The following RNMT variants were observed in gnomAD, a reference collection of about 807,000 sequenced individuals.
The protein encoded by RNMT is mRNA cap guanine-N(7) methyltransferase.
In RNMT, 27 loss-of-function variants were observed where a neutral mutation model predicts 56.0. That is an observed-to-expected ratio of 0.48 (90% confidence interval 0.36 to 0.67). RNMT has a LOEUF of 0.67. RNMT is among the 30% of genes least tolerant of loss of function. The pLI, the probability that RNMT is intolerant of heterozygous loss-of-function variation, is 0.00. For missense variants in RNMT, 519 were observed against 552.1 expected, an observed-to-expected ratio of 0.94 and a Z score of 0.60; for synonymous variants, 184 against 176.2, an observed-to-expected ratio of 1.04 and a Z score of -0.35.
chr18:13,742,258 C>T lies in RNMT; in HGVS notation c.975-230C>T, dbSNP rs148277289. Among the ~76,000 whole-genome samples the T allele has an allele frequency of 5.8e-3, 883 of 151,846 alleles. 7 individuals are homozygous for T. Among genetic ancestry groups the T allele is most frequent in the African/African-American group, 0.02 (810 of 41,398 alleles). On this transcript the variant is annotated intron_variant, in intron 7 of 11. Coordinates refer to ENST00000383314, the MANE Select transcript of RNMT (RefSeq NM_003799.3). ...GCTGAGGCAGGAGGATCACTTGAGC[C>T]CAGGAGTTGGTGGCTGTAGTGAGCT...
intron 4 of RNMT, among the ~76,000 whole-genome samples, chr18:13,735,149 T>A (rs2044137979): frequency 6.6e-6 from 1 of 152,198 alleles, no homozygotes; most frequent in African/African-American, 2.4e-5. Context: ...TTTAGTGCAT[T>A]AAGTAGACTC....
rs2044601592 is a variant in RNMT, at chr18:13,760,134, G to A, written c.*155G>A. On this transcript the variant is annotated 3_prime_UTR_variant, in exon 12 of 12. Coordinates refer to ENST00000383314, the MANE Select transcript of RNMT (RefSeq NM_003799.3). ...CCAATGTAGAAATTCAACATTTGCTGTCTGTGACAGATGAACTTTTGCATG... is the reference window on the plus strand; with the variant it reads ...CCAATGTAGAAATTCAACATTTGCTATCTGTGACAGATGAACTTTTGCATG... 3.7e-6 allele frequency: 5 copies of A among 1,360,566 alleles called. No individual in the cohort carries two copies. Among genetic ancestry groups the A allele is most frequent in the Non-Finnish European group, 3.8e-6 (4 of 1,055,718 alleles). The allele number at this position is 1,360,566 out of a possible 1,614,324, so 84.3% of individuals were successfully genotyped here. A position where few individuals can be genotyped will look rare whatever the true frequency, so the allele number is the denominator to read the frequency against.
Position 13,761,018 on chromosome 18 carries a change from G to A in RNMT, c.*1039G>A, listed in dbSNP as rs928690207. ...AACTTACCAGTTTTTAGATGTAGAT[G>A]TAGTGAAAAACTTCAAGAATGAAGC... On this transcript the variant is annotated 3_prime_UTR_variant, in exon 12 of 12. Coordinates refer to ENST00000383314, the MANE Select transcript of RNMT (RefSeq NM_003799.3). The A allele has an allele frequency of 2.3e-5, 23 of 985,158 alleles. No individual in the cohort carries two copies. In the African/African-American group the frequency reaches 4.0e-4, roughly 17 times the overall value. 61.0% of individuals were successfully genotyped at this position (985,158 alleles called of 1,614,324 possible). A position where few individuals can be genotyped will look rare whatever the true frequency, so the allele number is the denominator to read the frequency against.
intron 3 of RNMT, among the ~76,000 whole-genome samples, chr18:13,732,383 G>GT (rs890199769): frequency 2.8e-4 from 42 of 152,154 alleles, no homozygotes; most frequent in African/African-American, 9.6e-4. Flanking sequence ...TTCAGCTCTA[G>GT]TTTTTTTGTC....
chr18:13,736,193 C>G (rs1022472195), intron 4 of RNMT, among the ~76,000 whole-genome samples: 1 of 152,078 alleles, frequency 6.6e-6, no homozygotes, highest in Non-Finnish European at 1.5e-5. Context: ...ACTTTAAGTT[C>G]CTGCAGAAGG....
intron 5 of RNMT, among the ~76,000 whole-genome samples, chr18:13,737,524 C>T (rs139598486): frequency 2.0e-5 from 3 of 151,388 alleles, no homozygotes; most frequent in African/African-American, 7.3e-5. Context: ...GCCTGAGTGA[C>T]AGAGCAAGAC....
rs901489429 is a variant in RNMT at position 13,761,557 on chromosome 18, C to T, written c.*1578C>T. 3.8e-5 allele frequency: 38 copies of T among 992,628 alleles called. No individual in the cohort carries two copies. The Admixed American group carries it at 1.6e-3, about 41-fold the overall frequency. 61.5% of individuals were successfully genotyped at this position (992,628 alleles called of 1,614,324 possible). A position where few individuals can be genotyped will look rare whatever the true frequency, so the allele number is the denominator to read the frequency against. ...TACTTTTAGCCTGAAACCTCTTCCA[C>T]GCCATGGGTAACTTGGGGGAGAGAA... On this transcript the variant is annotated 3_prime_UTR_variant, in exon 12 of 12. Transcript: ENST00000383314.
intron 5 of RNMT, among the ~76,000 whole-genome samples, chr18:13,738,078 T>C (rs1470284440): frequency 6.6e-6 from 1 of 152,132 alleles, no homozygotes; most frequent in African/African-American, 2.4e-5. Context: ...TCAGCGTCTT[T>C]CTGATGTGGT....
rs1269229597 is a variant in RNMT at position 13,731,942 on chromosome 18, C to T, written c.417+8C>T. ...GTTCCTGAAAAGCAGAAAGTATGTTCAGTGTATTTTCATTTATTCATAATA... is the reference window on the plus strand; with the variant it reads ...GTTCCTGAAAAGCAGAAAGTATGTTTAGTGTATTTTCATTTATTCATAATA... On this transcript the variant is annotated splice_region_variant and intron_variant, in intron 3 of 11. Coordinates refer to ENST00000383314, the MANE Select transcript of RNMT (RefSeq NM_003799.3). 1.3e-6 allele frequency: 2 copies of T among 1,575,032 alleles called. No individual in the cohort carries two copies. The highest frequency in any genetic ancestry group is 2.4e-5 in the South Asian group (2 of 83,766).
Position 13,737,015 on chromosome 18 carries a change from T to C in RNMT, c.559T>C (p.Phe187Leu). ...GACTGATTTCTCTCTTTTAGGAGAA[T>C]TTTTGGAAAAGGTACGACAGAAGAA... Reference protein sequence around the residue: ...NWMKSVLIGEFLEKVRQKKKR... With the variant: ...NWMKSVLIGELLEKVRQKKKR... Residue 187 changes from phenylalanine to leucine, a missense_variant, in exon 5 of 12, where the codon TTT becomes CTT. Coordinates refer to ENST00000383314, the MANE Select transcript of RNMT (RefSeq NM_003799.3). 6.2e-7 allele frequency: 1 copy of C among 1,612,092 alleles called. No individual in the cohort carries two copies. Among genetic ancestry groups the C allele is most frequent in the South Asian group, 1.1e-5 (1 of 90,628 alleles).
intron 10 of RNMT, among the ~76,000 whole-genome samples, chr18:13,752,906 A>G (rs1007132035): frequency 6.6e-5 from 10 of 152,242 alleles, no homozygotes; most frequent in Admixed American, 3.3e-4. Context: ...TTTTGCTAAT[A>G]TCTTAGAATA....
chr18:13,736,407 T>C (rs2044158459), intron 4 of RNMT, among the ~76,000 whole-genome samples: 2 of 152,176 alleles, frequency 1.3e-5, no homozygotes, highest in Non-Finnish European at 2.9e-5. Context: ...TTTGGTTGCC[T>C]ACTGATTTTA....
Position 13,761,361 on chromosome 18 carries a change from G to C in RNMT, c.*1382G>C, listed in dbSNP as rs928611315. The C allele has an allele frequency of 1.0e-6, 1 of 985,432 alleles. No individual in the cohort carries two copies. The highest frequency in any genetic ancestry group is 1.2e-6 in the Non-Finnish European group (1 of 829,944). The allele number at this position is 985,432 out of a possible 1,614,324, so 61.0% of individuals were successfully genotyped here. A position where few individuals can be genotyped will look rare whatever the true frequency, so the allele number is the denominator to read the frequency against. ...ATTAGCTAGGAAAGGTTTGTAAATG[G>C]TGTCAGTGAGGTGGGGAAAGGAAGT... On this transcript the variant is annotated 3_prime_UTR_variant, in exon 12 of 12. Transcript: ENST00000383314.
intron 1 of RNMT, chr18:13,730,390 T>C (rs1303948797): frequency 1.3e-5 from 2 of 152,240 alleles, no homozygotes; most frequent in Non-Finnish European, 2.9e-5. Flanking sequence ...CATTATGAAA[T>C]ACGATTTCAG....
chr18:13,750,994 C>T (rs2044433703), intron 9 of RNMT, among the ~76,000 whole-genome samples: 1 of 152,098 alleles, frequency 6.6e-6, no homozygotes, highest in African/African-American at 2.4e-5. Context: ...AAATGTAAGA[C>T]ATAAAACCAT....
rs1190389847 is a variant in RNMT, at chr18:13,762,055, T to G, written c.*2076T>G. On this transcript the variant is annotated 3_prime_UTR_variant, in exon 12 of 12. Transcript: ENST00000383314. ...TCTATTCAGGACTTACGGTAACTAT[T>G]ATGAGGGAGGCATGGCTTTCCACCG... The G allele has an allele frequency of 6.5e-7, 1 of 1,536,010 alleles. No homozygotes were observed. Among genetic ancestry groups the G allele is most frequent in the Admixed American group, 2.0e-5 (1 of 50,988 alleles).
intron 3 of RNMT, 67 bp from the exon 4 acceptor site, chr18:13,734,397 A>G (rs1048536850): frequency 1.1e-5 from 16 of 1,445,206 alleles, no homozygotes; most frequent in East Asian, 2.3e-5. Flanking sequence ...TCACAGGTCA[A>G]ATGTTCTGAG....
At chr18:13,754,523 T>G (rs1004699730) in intron 11 of RNMT, among the ~76,000 whole-genome samples, 3 of 152,140 alleles carry the variant, frequency 2.0e-5, no homozygotes, top group Non-Finnish European at 4.4e-5. Flanking sequence ...CTGAAAACTT[T>G]GAGTTTTTCT....
At chr18:13,728,214 G>A (rs918547636) in intron 1 of RNMT, among the ~76,000 whole-genome samples, 2 of 148,902 alleles carry the variant, frequency 1.3e-5, no homozygotes, top group African/African-American at 4.9e-5. Flanking sequence ...TTCCCAGTAT[G>A]TAAATTAGTG....
Sources: allele counts gnomAD v4.1 joint callset (sites outside exome capture counted in the v4.1 genomes callset), GRCh38; gene constraint gnomAD v4.1.1; transcripts MANE v1.5; gene names NCBI Gene and HGNC (gene_info 2026-07-23, HGNC 2026-07-21).